Variants in NETO1 observed in about 807,000 individuals in gnomAD.
The protein encoded by NETO1 is neuropilin and tolloid like 1.
A neutral mutation model predicts 61.3 loss-of-function variants in NETO1; 26 were observed. The ratio of observed to expected loss-of-function variants is 0.42; its 90% CI spans 0.31 to 0.59. The LOEUF (loss-of-function observed/expected upper bound fraction) is 0.59. NETO1 is among the 20% of genes least tolerant of loss of function. The pLI is 0.12. For synonymous variants in NETO1, 225 were observed against 225.8 expected (o/e 1.00, Z 0.03); for missense variants, 531 against 662.8 (o/e 0.80, Z 2.18).
chr18:72,812,900 T>C (rs9807766), intron 4 of NETO1, among the ~76,000 whole-genome samples: 136,123 of 152,224 alleles, frequency 0.89, 62,808 homozygotes, highest in East Asian at 1. Flanking sequence ...GACACATAAA[T>C]TGTGTATAAC....
At chr18:72,793,181 G>T (rs1351720818) in intron 6 of NETO1, among the ~76,000 whole-genome samples, 4 of 152,126 alleles carry the variant, frequency 2.6e-5, no homozygotes, top group South Asian at 2.1e-4. Context: ...ATCAATTAAT[G>T]AAATAGCACA....
At chr18:72,768,169 T>C (rs1420732555) in intron 7 of NETO1, among the ~76,000 whole-genome samples, 1 of 152,238 alleles carries the variant, frequency 6.6e-6, no homozygotes, top group Non-Finnish European at 1.5e-5. Flanking sequence ...ACGTTTATCT[T>C]TTATTTTAAA....
chr18:72,757,227 C>A (rs1844672314), intron 7 of NETO1, among the ~76,000 whole-genome samples: 1 of 152,048 alleles, frequency 6.6e-6, no homozygotes, highest in South Asian at 2.1e-4. Context: ...TTAGACACTG[C>A]AGTCATGTTA....
chr18:72,762,938 T>C lies in NETO1; in HGVS notation c.869-6791A>G, dbSNP rs376127015. 1.8e-3 allele frequency among the ~76,000 whole-genome samples: 281 copies of C among 152,280 alleles called. 3 individuals carry two copies. Among genetic ancestry groups the C allele is most frequent in the South Asian group, 0.014 (66 of 4,826 alleles). On this transcript the variant is annotated intron_variant, in intron 7 of 10. Coordinates refer to ENST00000327305, the MANE Select transcript of NETO1 (RefSeq NM_138966.5). ...CCACAACACTCAAAATAAAGGTAGA[T>C]TTACATAATGTATTTAATAAAGAAT...
At chr18:72,751,670 A>T (rs1200422858) in intron 8 of NETO1, among the ~76,000 whole-genome samples, 1 of 152,158 alleles carries the variant, frequency 6.6e-6, no homozygotes, top group Non-Finnish European at 1.5e-5. Flanking sequence ...GTTTGCTGAC[A>T]CAGGAGAGCT....
chr18:72,763,743 T>C (rs991547279), intron 7 of NETO1, among the ~76,000 whole-genome samples: 1 of 152,162 alleles, frequency 6.6e-6, no homozygotes, highest in African/African-American at 2.4e-5. Flanking sequence ...TGAATGGAAA[T>C]GCTCACAAAC....
At chr18:72,812,771 A>C (rs902510564) in intron 4 of NETO1, among the ~76,000 whole-genome samples, 2 of 152,086 alleles carry the variant, frequency 1.3e-5, no homozygotes, top group African/African-American at 4.8e-5. Flanking sequence ...AACTCATAAA[A>C]CTTGAAGTTC....
At chr18:72,861,868 C>T (rs1229016786) in intron 3 of NETO1, among the ~76,000 whole-genome samples, 2 of 152,216 alleles carry the variant, frequency 1.3e-5, no homozygotes, top group African/African-American at 4.8e-5. Context: ...AATGGGAGTG[C>T]TCATCGTTGT....
rs1197867908 is a variant in NETO1 at position 72,830,215 on chromosome 18, C to T, written c.469+28611G>A. 6.6e-6 allele frequency among the ~76,000 whole-genome samples: 1 copy of T among 152,042 alleles called. No individual in the cohort carries two copies. Among genetic ancestry groups the T allele is most frequent in the Non-Finnish European group, 1.5e-5 (1 of 68,010 alleles). ...AGCGGCGGCACAGGGAAGGAAGCAGCCCTCCCAAGAGACGGGAACAGCAGT... is the reference window on the plus strand; with the variant it reads ...AGCGGCGGCACAGGGAAGGAAGCAGTCCTCCCAAGAGACGGGAACAGCAGT... On this transcript the variant is annotated intron_variant, in intron 4 of 10. Transcript: ENST00000327305. This position sits in a 1 kb window ranked among gnomAD's most constrained non-coding sequence, Gnocchi z 4.9.
chr18:72,867,607 C>T lies in NETO1; in HGVS notation c.-316G>A. 1 of 233,580 alleles carries T rather than the reference C, an allele frequency of 4.3e-6. No homozygotes were observed. 14.5% of individuals were successfully genotyped at this position (233,580 alleles called of 1,614,324 possible). A position where few individuals can be genotyped will look rare whatever the true frequency, so the allele number is the denominator to read the frequency against. ...CGGCCGCCACCATCCGCGCCGCCGC[C>T]GTCAGGACCCTCCTCCCGGGCATCG... On this transcript the variant is annotated 5_prime_UTR_variant, in exon 1 of 11. Transcript: ENST00000327305.
At chr18:72,828,041 GGTGGCTC>G (rs2073441348) in intron 4 of NETO1, among the ~76,000 whole-genome samples, 1 of 152,186 alleles carries the variant, frequency 6.6e-6, no homozygotes, top group African/African-American at 2.4e-5. Context: ...AGCCAGGCGT[GGTGGCTC>G]ACGCCTGTAA....
chr18:72,801,522 G>T (rs1008904752), intron 4 of NETO1, among the ~76,000 whole-genome samples: 2 of 152,144 alleles, frequency 1.3e-5, no homozygotes, highest in Non-Finnish European at 2.9e-5. Context: ...AGTTTAGGGT[G>T]TAAATAACAT....
At chr18:72,758,176 G>A (rs13381144) in intron 7 of NETO1, among the ~76,000 whole-genome samples, 52,479 of 151,906 alleles carry the variant, frequency 0.35, 9,633 homozygotes, top group Admixed American at 0.45. Flanking sequence ...AAATGGGATT[G>A]TGTCTGTTTC....
intron 3 of NETO1, among the ~76,000 whole-genome samples, chr18:72,859,649 G>T (rs991659676): frequency 6.6e-6 from 1 of 152,106 alleles, no homozygotes; most frequent in African/African-American, 2.4e-5. Context: ...CACATTATCC[G>T]TTAAGAATAT....
intron 4 of NETO1, among the ~76,000 whole-genome samples, chr18:72,848,946 A>T (rs765714367): frequency 6.6e-6 from 1 of 152,192 alleles, no homozygotes; most frequent in Non-Finnish European, 1.5e-5. Context: ...CCATTAGCCA[A>T]AGATTTTCTT....
chr18:72,794,000 G>T, intron 6 of NETO1, 117 bp downstream of exon 6: 1 of 1,311,098 alleles, frequency 7.6e-7, no homozygotes, highest in African/African-American at 1.5e-5. Flanking sequence ...TGAAATCATA[G>T]CCTTTGATGG....
chr18:72,772,815 CTCTCTCTCTCTATATATATA>C (rs1318878025), intron 7 of NETO1, among the ~76,000 whole-genome samples: 8 of 53,826 alleles, frequency 1.5e-4, no homozygotes, highest in African/African-American at 4.1e-4. Flanking sequence ...CTCTCTCTCT[CTCTCTCTCTCTATATATATA>C]TATATATATA....
At chr18:72,794,463 TTAA>T (rs2072244061) in intron 4 of NETO1, 59 bp from the exon 5 acceptor site, 1 of 1,496,866 alleles carries the variant, frequency 6.7e-7, no homozygotes, top group Non-Finnish European at 9.1e-7. Flanking sequence ...TACAGTGAGT[TTAA>T]GTTATTTATC....
chr18:72,865,843 C>T (rs558801891), intron 1 of NETO1: 3 of 580,918 alleles, frequency 5.2e-6, no homozygotes, highest in African/African-American at 1.9e-5. Context: ...CAAGTAACCC[C>T]GTCCCTCAGC....
Sources: gnomAD v4.1 joint callset for allele counts (sites outside exome capture counted in the v4.1 genomes callset) on GRCh38, gnomAD v4.1.1 for gene constraint, Gnocchi (gnomAD v3.1) non-coding constraint, MANE v1.5 for transcripts, NCBI Gene and HGNC (gene_info 2026-07-23, HGNC 2026-07-21) for gene names.